HAUS1: variants seen among roughly 807,000 people sequenced by gnomAD.
The protein encoded by HAUS1 is HAUS augmin like complex subunit 1.
In HAUS1, 25 loss-of-function variants were observed where a neutral mutation model predicts 38.6. The observed-to-expected ratio is 0.65, with a 90% CI of 0.47 to 0.91. The LOEUF is 0.91. Ranked by LOEUF, HAUS1 falls within the 40% of genes least tolerant of loss-of-function variation. The pLI is 0.00. For missense variants in HAUS1, 325 were observed against 328.4 expected, an observed-to-expected ratio of 0.99 and a Z score of 0.08; for synonymous variants, 109 against 112.9, an observed-to-expected ratio of 0.97 and a Z score of 0.22.
Position 46,124,814 on chromosome 18 carries a change from AC to A in HAUS1, c.667-3del. 1.3e-6 allele frequency: 2 copies of A among 1,569,964 alleles called. No homozygotes were observed. Among genetic ancestry groups the A allele is most frequent in the Non-Finnish European group, 1.7e-6 (2 of 1,142,974 alleles). ...TATTACTCTGTGACTGTGTTCTTTTACCCCCAGAAACTGGCAAGATTAAAGC... is the reference window on the plus strand; with the variant it reads ...TATTACTCTGTGACTGTGTTCTTTTACCCCAGAAACTGGCAAGATTAAAGC... On this transcript the variant is annotated splice_region_variant and splice_polypyrimidine_tract_variant and intron_variant, in intron 6 of 8. Transcript: ENST00000282058.
intron 4 of HAUS1, 89 bp from the exon 5 acceptor site, chr18:46,122,378 A>C (rs1911967098): frequency 7.3e-7 from 1 of 1,374,744 alleles, no homozygotes; most frequent in Non-Finnish European, 1.0e-6. Flanking sequence ...CCAAGCCAGC[A>C]TTGAATCCAA....
intron 2 of HAUS1, among the ~76,000 whole-genome samples, chr18:46,117,834 TACTC>T (rs1911835318): frequency 6.6e-6 from 1 of 151,930 alleles, no homozygotes; most frequent in Non-Finnish European, 1.5e-5. Flanking sequence ...TAATCCCAGT[TACTC>T]AGGAGGCTGA....
Position 46,108,406 on chromosome 18 carries a change from C to T in HAUS1, c.205+3038C>T, listed in dbSNP as rs534539288. On this transcript the variant is annotated intron_variant, in intron 2 of 8. Transcript: ENST00000282058. ...CCTGCCTCACCCTCCCAAAGTGCTG[C>T]GATTTATAGGTGTGAGCAGCCACTC... 4.4e-4 allele frequency among the ~76,000 whole-genome samples: 67 copies of T among 151,590 alleles called. 2 individuals are homozygous for T. The highest frequency in any genetic ancestry group is 3.4e-3 in the Middle Eastern group (1 of 290).
At chr18:46,122,630 C>A in intron 5 of HAUS1, 40 bp downstream of exon 5, 1 of 1,609,030 alleles carries the variant, frequency 6.2e-7, no homozygotes, top group South Asian at 1.1e-5. Flanking sequence ...TCTCTTCGGC[C>A]TGATTTTTTA....
At chr18:46,122,439 A>G in intron 4 of HAUS1, 28 bp from the exon 5 acceptor site, 1 of 1,607,594 alleles carries the variant, frequency 6.2e-7, no homozygotes, top group Non-Finnish European at 8.5e-7. Flanking sequence ...GAAGAAGAAG[A>G]AAATGTTTTT....
chr18:46,117,440 C>T (rs1413973472), intron 2 of HAUS1, among the ~76,000 whole-genome samples: 1 of 152,200 alleles, frequency 6.6e-6, no homozygotes, highest in Non-Finnish European at 1.5e-5. Flanking sequence ...GACCACACAT[C>T]TTATGATACC....
chr18:46,127,386 A>T (rs1209571617), intron 8 of HAUS1, among the ~76,000 whole-genome samples: 1 of 151,954 alleles, frequency 6.6e-6, no homozygotes, highest in Non-Finnish European at 1.5e-5. Context: ...TAGGCCAGAT[A>T]AGAAGTAATG....
intron 4 of HAUS1, among the ~76,000 whole-genome samples, chr18:46,121,148 C>T (rs749635872): frequency 2.8e-4 from 42 of 152,094 alleles, no homozygotes; most frequent in Non-Finnish European, 3.4e-4. Flanking sequence ...GTGCAAGGCA[C>T]TGTCATGTCA....
chr18:46,118,407 T>G, intron 3 of HAUS1, 91 bp downstream of exon 3: 1 of 1,290,924 alleles, frequency 7.7e-7, no homozygotes, highest in East Asian at 2.3e-5. Flanking sequence ...ATATGAAAAA[T>G]TGGCAATAAA....
intron 2 of HAUS1, chr18:46,106,662 T>C (rs1323897036): frequency 6.6e-6 from 1 of 152,186 alleles, no homozygotes; most frequent in Non-Finnish European, 1.5e-5. Context: ...TTGAATATAG[T>C]GCAGTTTATA....
Position 46,126,045 on chromosome 18 carries a change from G to A in HAUS1, c.786+254G>A, listed in dbSNP as rs533912723. On this transcript the variant is annotated intron_variant, in intron 8 of 8. Transcript: ENST00000282058. ...TAATCCCAGCACTTTGGGAGGCCAA[G>A]GTGGGTGGCATCTGAGGTCAGGAGT... 23 of 250,684 alleles carry A rather than the reference G, an allele frequency of 9.2e-5. No individual in the cohort carries two copies. The East Asian group carries it at 1.8e-3, about 20-fold the overall frequency. The allele number at this position is 250,684 out of a possible 1,614,324, so 15.5% of individuals were successfully genotyped here. A position where few individuals can be genotyped will look rare whatever the true frequency, so the allele number is the denominator to read the frequency against.
intron 2 of HAUS1, among the ~76,000 whole-genome samples, chr18:46,107,127 T>C (rs549242526): frequency 6.6e-6 from 1 of 152,214 alleles, no homozygotes; most frequent in Non-Finnish European, 1.5e-5. Context: ...ACTCTCACAA[T>C]CTGAAATCAC....
chr18:46,119,891 T>C (rs758001129), intron 3 of HAUS1, 35 bp from the exon 4 acceptor site: 9 of 1,520,742 alleles, frequency 5.9e-6, no homozygotes, highest in Admixed American at 4.7e-5. Context: ...TTATTGCCCA[T>C]TAAGCCCATG....
chr18:46,127,040 G>A (rs183055558), intron 8 of HAUS1, among the ~76,000 whole-genome samples: 109 of 151,906 alleles, frequency 7.2e-4, no homozygotes, highest in African/African-American at 2.4e-3. Flanking sequence ...TGCTATGTTG[G>A]CCAGGCTGGT....
chr18:46,126,000 G>A (rs1209799051), intron 8 of HAUS1: 2 of 402,914 alleles, frequency 5.0e-6, no homozygotes, highest in African/African-American at 2.1e-5. Context: ...ATAGTAGCTG[G>A]GCACAGTGGC....
chr18:46,127,085 CA>C (rs1258124397), intron 8 of HAUS1, among the ~76,000 whole-genome samples: 1 of 151,804 alleles, frequency 6.6e-6, no homozygotes, highest in Non-Finnish European at 1.5e-5. Context: ...CCACCCGCCT[CA>C]GCCTCCCAAA....
intron 5 of HAUS1, 116 bp downstream of exon 5, chr18:46,122,706 G>T: frequency 8.6e-7 from 1 of 1,166,044 alleles, no homozygotes; most frequent in South Asian, 1.5e-5. Context: ...AGAGAAGTTG[G>T]TAAGTTGCCC....
intron 3 of HAUS1, among the ~76,000 whole-genome samples, chr18:46,118,994 A>G (rs1256746462): frequency 6.6e-6 from 1 of 151,974 alleles, no homozygotes; most frequent in Non-Finnish European, 1.5e-5. Context: ...CAGCCTCCCA[A>G]ATAGCTGGGA....
intron 1 of HAUS1, 30 bp downstream of exon 1, chr18:46,104,471 C>T (rs562674819): frequency 6.8e-7 from 1 of 1,460,518 alleles, no homozygotes; most frequent in South Asian, 1.4e-5. Context: ...GATCGTTGGC[C>T]TCCTGGAAAA....
Sources: gnomAD v4.1 joint callset for allele counts (sites outside exome capture counted in the v4.1 genomes callset) on GRCh38, gnomAD v4.1.1 for gene constraint, MANE v1.5 for transcripts, NCBI Gene and HGNC (gene_info 2026-07-23, HGNC 2026-07-21) for gene names.